Variants in ANKS1B observed in about 807,000 individuals in gnomAD.
The protein encoded by ANKS1B is ankyrin repeat and sterile alpha motif domain-containing protein 1B.
A neutral mutation model predicts 148.3 loss-of-function variants in ANKS1B; 36 were observed. The ratio of observed to expected loss-of-function variants is 0.24; its 90% CI spans 0.19 to 0.32. The LOEUF (loss-of-function observed/expected upper bound fraction) is 0.32. ANKS1B is among the 10% of genes least tolerant of loss of function. The pLI is 1.00. For missense variants in ANKS1B, 1,157 were observed against 1,542.6 expected, an observed-to-expected ratio of 0.75 and a Z score of 4.19; for synonymous variants, 542 against 560.8, an observed-to-expected ratio of 0.97 and a Z score of 0.47.
At chr12:99,017,722 C>T (rs911810047) in intron 17 of ANKS1B, among the ~76,000 whole-genome samples, 1 of 152,156 alleles carries the variant, frequency 6.6e-6, no homozygotes, top group African/African-American at 2.4e-5. Context: ...ATGATAACTC[C>T]AGTTCTCCCA....
In ANKS1B at chr12:99,467,096, C is replaced by A. The variant is rs1313385983; in HGVS notation, c.1439-23287G>T. ...CATCAAAAATCTTATCCACCATGAT[C>A]AAGTGGGCTTCATCCCTGGGATGCA... On this transcript the variant is annotated intron_variant, in intron 10 of 26. Transcript: ENST00000683438. 8.5e-5 allele frequency among the ~76,000 whole-genome samples: 13 copies of A among 152,314 alleles called. No individual in the cohort carries two copies. The South Asian group carries it at 2.3e-3, about 27-fold the overall frequency.
At chr12:99,714,523 C>A (rs2057046437) in intron 8 of ANKS1B, among the ~76,000 whole-genome samples, 1 of 152,112 alleles carries the variant, frequency 6.6e-6, no homozygotes, top group Non-Finnish European at 1.5e-5. Context: ...ATAATTCTCA[C>A]AATATTTCAA....
intron 12 of ANKS1B, among the ~76,000 whole-genome samples, chr12:99,341,972 G>A (rs1015605655): frequency 3.3e-5 from 5 of 152,036 alleles, no homozygotes; most frequent in African/African-American, 1.2e-4. Context: ...AATTCAGTAA[G>A]TATTTTTCAG....
At chr12:99,050,015 A>T (rs1177993102) in intron 17 of ANKS1B, among the ~76,000 whole-genome samples, 2 of 152,196 alleles carry the variant, frequency 1.3e-5, no homozygotes, top group Non-Finnish European at 2.9e-5. Flanking sequence ...CTAGCGACTC[A>T]TTACAATGGT....
chr12:99,409,039 C>T (rs950306785), intron 11 of ANKS1B, among the ~76,000 whole-genome samples: 1 of 152,082 alleles, frequency 6.6e-6, no homozygotes, highest in South Asian at 2.1e-4. Flanking sequence ...AAACATAGCT[C>T]ATTCTCTCTC....
chr12:99,127,061 C>T (rs2064597555), intron 15 of ANKS1B, among the ~76,000 whole-genome samples: 1 of 152,188 alleles, frequency 6.6e-6, no homozygotes, highest in Non-Finnish European at 1.5e-5. Context: ...GAGGTTATTT[C>T]TTGAGAAGTA....
At chr12:98,812,969 CATT>C (rs1329396830) in intron 19 of ANKS1B, among the ~76,000 whole-genome samples, 2 of 152,176 alleles carry the variant, frequency 1.3e-5, no homozygotes, top group East Asian at 3.9e-4. Flanking sequence ...GTAACTGCTG[CATT>C]CATAATATGA....
chr12:99,913,847 TAAA>T (rs936883420), intron 1 of ANKS1B, among the ~76,000 whole-genome samples: 1 of 151,126 alleles, frequency 6.6e-6, no homozygotes, highest in East Asian at 1.9e-4. Context: ...CTCAAACAAG[TAAA>T]AAAAAATTTA....
At chr12:99,478,169 T>C (rs750720067) in intron 10 of ANKS1B, among the ~76,000 whole-genome samples, 25 of 152,158 alleles carry the variant, frequency 1.6e-4, no homozygotes, top group Non-Finnish European at 3.1e-4. Context: ...AGGCAAATAT[T>C]GCAGCTTAAG....
intron 8 of ANKS1B, among the ~76,000 whole-genome samples, chr12:99,731,416 G>C (rs879468004): frequency 0.2 from 10,120 of 49,686 alleles, 708 homozygotes; most frequent in Admixed American, 0.35. Flanking sequence ...ACCGTGCCGT[G>C]TGTGTGTGTG....
At chr12:98,950,418 A>C (rs918593877) in intron 17 of ANKS1B, among the ~76,000 whole-genome samples, 2 of 152,034 alleles carry the variant, frequency 1.3e-5, no homozygotes, top group African/African-American at 4.8e-5. Flanking sequence ...AATAACTTGA[A>C]CCTGGGAGGC....
intron 10 of ANKS1B, among the ~76,000 whole-genome samples, chr12:99,459,751 T>C (rs761274141): frequency 2.6e-5 from 4 of 152,028 alleles, no homozygotes; most frequent in South Asian, 2.1e-4. Context: ...AAAGAAATCA[T>C]AGATTGACAT....
intron 17 of ANKS1B, among the ~76,000 whole-genome samples, chr12:98,885,834 A>C (rs1330146547): frequency 6.6e-6 from 1 of 152,210 alleles, no homozygotes; most frequent in Non-Finnish European, 1.5e-5. Context: ...AGAAAAGTGG[A>C]TAGATCCAAG....
At chr12:99,900,589 G>A (rs949396335) in intron 1 of ANKS1B, among the ~76,000 whole-genome samples, 1 of 150,804 alleles carries the variant, frequency 6.6e-6, no homozygotes. Context: ...TATTCAAAGA[G>A]CTATAATTTC....
intron 11 of ANKS1B, among the ~76,000 whole-genome samples, chr12:99,423,828 G>A (rs932540905): frequency 7.2e-5 from 11 of 152,092 alleles, no homozygotes; most frequent in Admixed American, 1.3e-4. Context: ...CACACACTGG[G>A]ACCTATTGGA....
At chr12:99,372,302 T>TA (rs935920878) in intron 12 of ANKS1B, among the ~76,000 whole-genome samples, 35 of 147,934 alleles carry the variant, frequency 2.4e-4, no homozygotes, top group South Asian at 8.6e-4. Flanking sequence ...AAATATGTCT[T>TA]AAAAAAAAAA....
intron 25 of ANKS1B, among the ~76,000 whole-genome samples, chr12:98,756,809 C>A (rs2098258519): frequency 6.7e-6 from 1 of 149,650 alleles, no homozygotes; most frequent in Admixed American, 6.7e-5. Flanking sequence ...CTCACTGCAA[C>A]CTGTGCCTCC....
chr12:99,094,937 A>T (rs958358770), intron 15 of ANKS1B, among the ~76,000 whole-genome samples: 5 of 152,166 alleles, frequency 3.3e-5, no homozygotes, highest in African/African-American at 1.2e-4. Flanking sequence ...TCGACAATCA[A>T]AATTGAAATA....
intron 9 of ANKS1B, among the ~76,000 whole-genome samples, chr12:99,514,638 T>A (rs1255680512): frequency 1.3e-5 from 2 of 152,088 alleles, no homozygotes; most frequent in African/African-American, 2.4e-5. Flanking sequence ...GATCCAACCT[T>A]GGTCTTCTGG....
Sources: gnomAD v4.1 joint callset for allele counts (sites outside exome capture counted in the v4.1 genomes callset) on GRCh38, gnomAD v4.1.1 for gene constraint, MANE v1.5 for transcripts, NCBI Gene and HGNC (gene_info 2026-07-23, HGNC 2026-07-21) for gene names.